Variants in ERC2 observed in about 807,000 individuals in gnomAD.
The protein encoded by ERC2 is ELKS/RAB6-interacting/CAST family member 2, also known as ERC protein 2.
In ERC2, 42 loss-of-function variants were observed where a neutral mutation model predicts 114.8. That is an observed-to-expected ratio of 0.37 (90% CI 0.29 to 0.47). The LOEUF (loss-of-function observed/expected upper bound fraction) is 0.47, where lower values mean the gene tolerates loss of function less well. Ranked by LOEUF, ERC2 falls within the 20% of genes least tolerant of loss-of-function variation. ERC2 has a pLI of 0.99. For synonymous variants in ERC2, 454 were observed against 425.5 expected (o/e 1.07, Z -0.82); for missense variants, 939 against 1,150.7 (o/e 0.82, Z 2.66).
At chr3:56,255,624 C>T (rs1397460280) in intron 3 of ERC2, among the ~76,000 whole-genome samples, 1 of 152,232 alleles carries the variant, frequency 6.6e-6, no homozygotes, top group African/African-American at 2.4e-5. Context: ...GAGGAGCCCA[C>T]ATCTATTTCC....
In ERC2 at chr3:55,699,434, G is replaced by T; in HGVS notation, c.2791C>A (p.His931Asn). The change falls in exon 16 of 18, where the codon CAC becomes AAC. Residue 931 changes from histidine to asparagine, a missense_variant. Coordinates refer to ENST00000288221, the MANE Select transcript of ERC2 (RefSeq NM_015576.3). ...TGCGACCTCCCAGGAGATCGATGGT[G>T]GTGGTGATGGTGGTGGTGGTGGTAA... ...HHYHHHHHHH[H>N]HRSPGRSQHS... 6.2e-7 allele frequency: 1 copy of T among 1,613,818 alleles called. No homozygotes were observed. The highest frequency in any genetic ancestry group is 2.2e-5 in the East Asian group (1 of 44,862).
chr3:56,116,410 G>A (rs1290156752), intron 6 of ERC2, among the ~76,000 whole-genome samples: 2 of 152,162 alleles, frequency 1.3e-5, no homozygotes, highest in Admixed American at 1.3e-4. Flanking sequence ...CAGAGTCAAG[G>A]CATTTTCTTG....
At chr3:56,292,183 T>G (rs951272776) in intron 3 of ERC2, among the ~76,000 whole-genome samples, 2 of 152,154 alleles carry the variant, frequency 1.3e-5, no homozygotes, top group African/African-American at 4.8e-5. Flanking sequence ...AATCCCTCAT[T>G]TCCCCAAGTT....
chr3:55,729,311 A>G (rs2148906032), intron 15 of ERC2, among the ~76,000 whole-genome samples: 1 of 152,120 alleles, frequency 6.6e-6, no homozygotes, highest in Middle Eastern at 3.4e-3. Flanking sequence ...TCTGCTGGAA[A>G]ATCCTTCCCC....
At chr3:55,950,798 C>A (rs2067448356) in intron 12 of ERC2, among the ~76,000 whole-genome samples, 1 of 152,198 alleles carries the variant, frequency 6.6e-6, no homozygotes, top group Non-Finnish European at 1.5e-5. Flanking sequence ...TCTTCACTCT[C>A]ATGGAGCTTA....
intron 17 of ERC2, among the ~76,000 whole-genome samples, chr3:55,536,410 T>C (rs1397047896): frequency 6.6e-6 from 1 of 152,166 alleles, no homozygotes; most frequent in East Asian, 1.9e-4. Flanking sequence ...AGCTGGGCTG[T>C]GAGCTCCATG....
At chr3:55,874,399 G>A (rs537314742) in intron 14 of ERC2, among the ~76,000 whole-genome samples, 10 of 152,154 alleles carry the variant, frequency 6.6e-5, no homozygotes, top group South Asian at 2.1e-4. Context: ...AGCAGCAGCA[G>A]TCATTCATGT....
Position 56,053,895 on chromosome 3 carries a change from A to AT in ERC2, c.1641+26921dup, listed in dbSNP as rs572106163. ...ATTTCTCCCCTCTTAATTCCAGGCA[A>AT]TAAAACTGTAACCTCCTCAAAGTTA... On this transcript the variant is annotated intron_variant, in intron 7 of 17. Coordinates refer to ENST00000288221, the MANE Select transcript of ERC2 (RefSeq NM_015576.3). Among the ~76,000 whole-genome samples the AT allele has an allele frequency of 2.1e-4, 32 of 152,272 alleles. No individual in the cohort carries two copies. In the South Asian group the frequency reaches 2.7e-3, roughly 13 times the overall value.
At chr3:56,414,520 A>G (rs2061069709) in intron 2 of ERC2, among the ~76,000 whole-genome samples, 1 of 152,078 alleles carries the variant, frequency 6.6e-6, no homozygotes, top group Non-Finnish European at 1.5e-5. Flanking sequence ...CAGGAGATCG[A>G]GACCATCCTG....
intron 14 of ERC2, among the ~76,000 whole-genome samples, chr3:55,806,322 C>T (rs1162871970): frequency 1.5e-5 from 2 of 135,348 alleles, no homozygotes; most frequent in African/African-American, 6.1e-5. Context: ...GAGCAAAACT[C>T]CTTCTCAAAA....
intron 12 of ERC2, chr3:55,955,072 T>A: frequency 2.1e-6 from 1 of 470,368 alleles, no homozygotes; most frequent in South Asian, 1.5e-5. Flanking sequence ...ACATATAGTC[T>A]GATCTTATTT....
chr3:55,931,692 G>A (rs1230374615), intron 13 of ERC2, among the ~76,000 whole-genome samples: 2 of 151,960 alleles, frequency 1.3e-5, no homozygotes, highest in African/African-American at 2.4e-5. Context: ...CATGGCACAT[G>A]TATACCTATG....
chr3:56,434,948 A>G lies in ERC2; in HGVS notation c.60T>C (p.Arg20=), dbSNP rs749698191. The change falls in exon 2 of 18, where the codon CGT becomes CGC. Residue 20 remains arginine, a synonymous_variant. Coordinates refer to ENST00000288221, the MANE Select transcript of ERC2 (RefSeq NM_015576.3). ...GGCCCAAACGAGGAGACCTTGGCAA[A>G]CGAGGGGATCTGGAAGGGCTACCTT... is the stretch of plus-strand genomic sequence containing the variant. The part of the protein sequence containing the change: ...NLEGSPSRSP[R]LPRSPRLGHR... The G allele has an allele frequency of 1.9e-6, 3 of 1,613,596 alleles. No homozygotes were observed. The South Asian group carries it at 3.3e-5, about 18-fold the overall frequency.
At chr3:55,678,667 T>G (rs558273935) in intron 17 of ERC2, among the ~76,000 whole-genome samples, 78 of 152,314 alleles carry the variant, frequency 5.1e-4, no homozygotes, top group Non-Finnish European at 8.7e-4. Flanking sequence ...GAGATTCCCC[T>G]GCTGATATGC....
chr3:56,052,745 G>C (rs577582301), intron 7 of ERC2, among the ~76,000 whole-genome samples: 1 of 152,164 alleles, frequency 6.6e-6, no homozygotes, highest in Admixed American at 6.5e-5. Flanking sequence ...GCTGGGACCC[G>C]AGTTGCATTT....
At chr3:55,667,695 A>G (rs1399513375) in intron 17 of ERC2, among the ~76,000 whole-genome samples, 6 of 152,208 alleles carry the variant, frequency 3.9e-5, no homozygotes, top group Admixed American at 6.5e-5. Flanking sequence ...CTGGCCATAC[A>G]CTAACTCACT....
chr3:55,686,911 G>A (rs1227335247), intron 16 of ERC2, among the ~76,000 whole-genome samples: 2 of 152,296 alleles, frequency 1.3e-5, no homozygotes, highest in African/African-American at 4.8e-5. Context: ...TTGTTCATCT[G>A]GGGATGGGAA....
chr3:55,688,397 T>C (rs1321534255), intron 16 of ERC2, among the ~76,000 whole-genome samples: 1 of 152,106 alleles, frequency 6.6e-6, no homozygotes, highest in Non-Finnish European at 1.5e-5. Context: ...AAAGGACACC[T>C]GGCCAGCAGC....
At chr3:55,562,321 T>C (rs572580160) in intron 17 of ERC2, among the ~76,000 whole-genome samples, 1 of 152,122 alleles carries the variant, frequency 6.6e-6, no homozygotes, top group South Asian at 2.1e-4. Flanking sequence ...CCCAGCTAAT[T>C]TTTGTATTTT....
Sources: allele counts gnomAD v4.1 joint callset (sites outside exome capture counted in the v4.1 genomes callset), GRCh38; gene constraint gnomAD v4.1.1; transcripts MANE v1.5; gene names NCBI Gene and HGNC (gene_info 2026-07-23, HGNC 2026-07-21).